Variants in SUCLG2 observed in about 807,000 individuals in gnomAD.
SUCLG2 encodes the protein succinate-CoA ligase GDP-forming subunit beta, also known as succinate--CoA ligase [GDP-forming] subunit beta, mitochondrial.
Under a neutral mutation model 47.9 loss-of-function variants are expected in SUCLG2, and 42 were observed. The observed-to-expected ratio is 0.88, with a 90% confidence interval of 0.69 to 1.14. SUCLG2 has a LOEUF of 1.14. SUCLG2 is among the 50% of genes most tolerant of loss of function. The pLI, the probability that SUCLG2 is intolerant of heterozygous loss-of-function variation, is 0.00. For synonymous variants in SUCLG2, 195 were observed against 197.3 expected (o/e 0.99, Z 0.10); for missense variants, 571 against 525.9 (o/e 1.09, Z -0.84).
chr3:67,574,911 C>T (rs1707705624), intron 2 of SUCLG2, among the ~76,000 whole-genome samples: 1 of 152,090 alleles, frequency 6.6e-6, no homozygotes, highest in Non-Finnish European at 1.5e-5. Context: ...AGATAATTTA[C>T]CAAAGAATTT....
At chr3:67,465,826 T>C (rs906733308) in intron 9 of SUCLG2, among the ~76,000 whole-genome samples, 2 of 152,112 alleles carry the variant, frequency 1.3e-5, no homozygotes, top group Non-Finnish European at 2.9e-5. Context: ...ACTATCTTCT[T>C]AGTACCACAG....
intron 9 of SUCLG2, among the ~76,000 whole-genome samples, chr3:67,485,587 T>C (rs1048282394): frequency 2.0e-5 from 3 of 152,212 alleles, no homozygotes; most frequent in Non-Finnish European, 4.4e-5. Flanking sequence ...TGACACATAA[T>C]GCTGGAAGAA....
intron 10 of SUCLG2, among the ~76,000 whole-genome samples, chr3:67,360,990 G>C (rs866800372): frequency 1.2e-4 from 19 of 152,220 alleles, no homozygotes; most frequent in African/African-American, 1.7e-4. Context: ...TTCTTGGATT[G>C]CTGACATTTG....
chr3:67,457,443 G>A (rs1240146362), intron 9 of SUCLG2, among the ~76,000 whole-genome samples: 2 of 152,026 alleles, frequency 1.3e-5, no homozygotes, highest in Non-Finnish European at 2.9e-5. Flanking sequence ...ATTATTAGAA[G>A]TACAGAATCT....
intron 2 of SUCLG2, among the ~76,000 whole-genome samples, chr3:67,601,940 C>A (rs6548658): frequency 0.018 from 2,663 of 151,972 alleles, 71 homozygotes; most frequent in African/African-American, 0.06. Flanking sequence ...TAAGATCGCA[C>A]CCCCCAACTC....
At chr3:67,514,255 G>T in intron 6 of SUCLG2, 1 of 421,164 alleles carries the variant, frequency 2.4e-6, no homozygotes, top group South Asian at 2.1e-5. Context: ...ATTCAAAACT[G>T]ACAGGAATAG....
chr3:67,574,820 G>A lies in SUCLG2; in HGVS notation c.226+34635C>T, dbSNP rs535675743. On this transcript the variant is annotated intron_variant, in intron 2 of 10. Transcript: ENST00000307227. Reference sequence around the variant, plus strand: ...TTTGCAAAATACATATCTAATAAAGGACTTTTCTCCAGAATTTATGAATAA... The same window carrying A: ...TTTGCAAAATACATATCTAATAAAGAACTTTTCTCCAGAATTTATGAATAA... Among the ~76,000 whole-genome samples the A allele has an allele frequency of 8.5e-5, 13 of 152,202 alleles. No homozygotes were observed. In the East Asian group the frequency reaches 2.3e-3, roughly 27 times the overall value.
At chr3:67,623,880 C>T (rs1411818400) in intron 1 of SUCLG2, among the ~76,000 whole-genome samples, 5 of 152,196 alleles carry the variant, frequency 3.3e-5, no homozygotes, top group African/African-American at 1.2e-4. Flanking sequence ...AAAGAACCTA[C>T]GTGCACATTC....
At chr3:67,382,286 G>A (rs894674942) in intron 10 of SUCLG2, among the ~76,000 whole-genome samples, 1 of 152,260 alleles carries the variant, frequency 6.6e-6, no homozygotes, top group East Asian at 1.9e-4. Flanking sequence ...GGGAGGCTTC[G>A]GAACTGGCCC....
intron 2 of SUCLG2, among the ~76,000 whole-genome samples, chr3:67,575,727 T>C (rs1707725379): frequency 6.6e-6 from 1 of 152,214 alleles, no homozygotes; most frequent in Non-Finnish European, 1.5e-5. Flanking sequence ...AAAAGAAAGC[T>C]AGCCAACAAG....
intron 7 of SUCLG2, among the ~76,000 whole-genome samples, chr3:67,499,935 G>A (rs1299878433): frequency 2.0e-5 from 3 of 152,064 alleles, no homozygotes; most frequent in East Asian, 3.9e-4. Context: ...GTTTCACCGT[G>A]TTAGCCAGGA....
At chr3:67,627,570 CG>C (rs1275483266) in intron 1 of SUCLG2, among the ~76,000 whole-genome samples, 1 of 152,188 alleles carries the variant, frequency 6.6e-6, no homozygotes, top group Non-Finnish European at 1.5e-5. Context: ...CATTGCTCTG[CG>C]GGGCTGATAA....
chr3:67,492,001 G>A (rs972443197), intron 9 of SUCLG2, among the ~76,000 whole-genome samples: 1 of 152,118 alleles, frequency 6.6e-6, no homozygotes, highest in African/African-American at 2.4e-5. Flanking sequence ...AGGCAGTCTG[G>A]CATAAGAATC....
intron 2 of SUCLG2, among the ~76,000 whole-genome samples, chr3:67,544,168 A>G (rs1706798924): frequency 6.6e-6 from 1 of 152,222 alleles, no homozygotes; most frequent in Non-Finnish European, 1.5e-5. Context: ...ATTACTGAAA[A>G]TTTTTAATTT....
chr3:67,375,736 C>A lies in SUCLG2; in HGVS notation c.*8G>T, dbSNP rs1239613382. ...GCTTTCTTTCTCCATTGGATCAGGA[C>A]AAAGACATCACTTCTTGGCCACACT... On this transcript the variant is annotated 3_prime_UTR_variant, in exon 11 of 11. Coordinates refer to ENST00000307227, the MANE Select transcript of SUCLG2 (RefSeq NM_003848.4). 2.9e-5 allele frequency: 46 copies of A among 1,610,924 alleles called. No homozygotes were observed. The highest frequency in any genetic ancestry group is 3.0e-5 in the Non-Finnish European group (35 of 1,179,042).
Position 67,495,831 on chromosome 3 carries a change from A to G in SUCLG2, c.1029T>C (p.Tyr343=), listed in dbSNP as rs1705322326. 1.9e-6 allele frequency: 3 copies of G among 1,614,024 alleles called. No individual in the cohort carries two copies. The highest frequency in any genetic ancestry group is 2.5e-6 in the Non-Finnish European group (3 of 1,179,970). The change falls in exon 9 of 11, where the codon TAT becomes TAC. Residue 343 remains tyrosine (Y), a synonymous_variant. Coordinates refer to ENST00000307227, the MANE Select transcript of SUCLG2 (RefSeq NM_003848.4). The part of the protein sequence containing the change: ...LGGGVKEAQV[Y]QAFKLLTADP... ...CAGCTGTGAGCAATTTGAATGCTTG[A>G]TATACTTGAGCTTCCTTTACACCAC...
intron 1 of SUCLG2, among the ~76,000 whole-genome samples, chr3:67,626,007 C>CAT (rs1194705120): frequency 4.3e-4 from 59 of 138,614 alleles, no homozygotes; most frequent in East Asian, 1.4e-3. Flanking sequence ...GGAGTAGCTA[C>CAT]ATATATATAT....
chr3:67,424,971 C>G (rs1288822986), intron 9 of SUCLG2, among the ~76,000 whole-genome samples: 2 of 152,116 alleles, frequency 1.3e-5, no homozygotes, highest in East Asian at 3.9e-4. Context: ...TCCAACTCTT[C>G]TGCTATCAAG....
intron 2 of SUCLG2, among the ~76,000 whole-genome samples, chr3:67,603,331 T>C (rs1189231353): frequency 6.6e-6 from 1 of 152,190 alleles, no homozygotes; most frequent in African/African-American, 2.4e-5. Flanking sequence ...GACTATGGGA[T>C]TAATAGTACA....
Sources: gnomAD v4.1 joint callset for allele counts (sites outside exome capture counted in the v4.1 genomes callset) on GRCh38, gnomAD v4.1.1 for gene constraint, MANE v1.5 for transcripts, NCBI Gene and HGNC (gene_info 2026-07-23, HGNC 2026-07-21) for gene names.